Variants in RSRP1 observed in about 807,000 individuals in gnomAD.
The protein encoded by RSRP1 is arginine/serine-rich protein 1.
RSRP1 carries 37 observed loss-of-function variants against 33.0 expected under a neutral mutation model. That is an observed-to-expected ratio of 1.12 (90% CI 0.86 to 1.48). The LOEUF is 1.48. Among genes scored for constraint, RSRP1 ranks in the 40% most tolerant of loss-of-function variants. The pLI, the probability that RSRP1 is intolerant of heterozygous loss-of-function variation, is 0.00. For missense variants in RSRP1, 402 were observed against 385.3 expected, an observed-to-expected ratio of 1.04 and a Z score of -0.36; for synonymous variants, 167 against 158.7, an observed-to-expected ratio of 1.05 and a Z score of -0.40.
intron 1 of RSRP1, among the ~76,000 whole-genome samples, chr1:25,312,380 G>A (rs1355053915): frequency 1.9e-5 from 2 of 106,060 alleles, no homozygotes; most frequent in African/African-American, 6.2e-5. Context: ...TGTACCTTAA[G>A]TCTCACCCAC....
rs601161 is a variant in RSRP1 at position 25,297,040 on chromosome 1, C to T, written c.-67+40938G>A. ...ACCTTATTCTCATTTCACCAATTTT[C>T]TCAATAATATCTTTTCTAGAAAAAA... On this transcript the variant is annotated intron_variant, in intron 1 of 1. Coordinates refer to the RSRP1 transcript ENST00000561867. 2.5e-4 allele frequency among the ~76,000 whole-genome samples: 33 copies of T among 131,166 alleles called. 6 individuals carry two copies. The highest frequency in any genetic ancestry group is 4.0e-4 in the African/African-American group (15 of 37,880). The allele number at this position is 131,166 out of a possible 152,430, so 86.0% of individuals were successfully genotyped here.
rs1334597522 is a variant in RSRP1 at position 25,316,233 on chromosome 1, G to A, written c.-67+21745C>T. ...CGTGGAAGTATGTTCAAGGGGTAGGGATGGGCAGGGGAGATGGGTCTGAAA... is the reference window on the plus strand; with the variant it reads ...CGTGGAAGTATGTTCAAGGGGTAGGAATGGGCAGGGGAGATGGGTCTGAAA... On this transcript the variant is annotated intron_variant, in intron 1 of 1. Coordinates refer to the RSRP1 transcript ENST00000561867. Among the ~76,000 whole-genome samples the A allele has an allele frequency of 1.5e-5, 2 of 129,928 alleles. 1 individual carries two copies. The highest frequency in any genetic ancestry group is 3.6e-5 in the Non-Finnish European group (2 of 55,066). 85.2% of individuals were successfully genotyped at this position (129,928 alleles called of 152,430 possible).
At position 25,312,920 on chromosome 1, in the gene RSRP1, TAAAAAAAAAAAAAAAAAAA is replaced by T. The variant is rs58027687; in HGVS notation, c.-67+25039_-67+25057del. On this transcript the variant is annotated intron_variant, in intron 1 of 1. Transcript: ENST00000561867. ...GGATGATAGAGCAAAATCCCATCTC[TAAAAAAAAAAAAAAAAAAA>T]AAAAAAAAAAAAAAAACTTTAGTGC... Among the ~76,000 whole-genome samples the T allele has an allele frequency of 6.0e-3, 41 of 6,856 alleles. 9 individuals are homozygous for T. The highest frequency in any genetic ancestry group is 0.25 in the Middle Eastern group (2 of 8). 4.5% of individuals were successfully genotyped at this position (6,856 alleles called of 152,430 possible).
rs1639945138 is a variant in RSRP1, at chr1:25,256,219, A to T, written c.-66-9190T>A. Among the ~76,000 whole-genome samples the T allele has an allele frequency of 2.0e-5, 3 of 146,980 alleles. No homozygotes were observed. The Admixed American group carries it at 2.1e-4, about 10-fold the overall frequency. ...GTCCAGGCCGGAGTGCAGTGGCGCC[A>T]TCCTAGCTCACTGCAGCCTCAACTT... On this transcript the variant is annotated intron_variant, in intron 1 of 1. Transcript: ENST00000561867.
intron 1 of RSRP1, among the ~76,000 whole-genome samples, chr1:25,314,019 T>G (rs1179675246): frequency 7.5e-6 from 1 of 133,206 alleles, no homozygotes; most frequent in Admixed American, 7.3e-5. Context: ...GGAGCTATTA[T>G]GAATATTCTA....
chr1:25,248,931 C>CT (rs1472353627), upstream of RSRP1, among the ~76,000 whole-genome samples: 1 of 152,094 alleles, frequency 6.6e-6, no homozygotes, highest in Non-Finnish European at 1.5e-5. Context: ...GGAAGATCAC[C>CT]TAAGATCAGG....
chr1:25,243,507 C>T lies in RSRP1; in HGVS notation c.756+43G>A, dbSNP rs575707907. 17 of 1,603,382 alleles carry T rather than the reference C, an allele frequency of 1.1e-5. No homozygotes were observed. The East Asian group carries it at 2.9e-4, about 28-fold the overall frequency. On this transcript the variant is annotated intron_variant, in intron 4 of 4. Transcript: ENST00000243189. The stretch of plus-strand genomic sequence containing the variant: ...AAAACACAAAGATGCAAAAATACAT[C>T]CTAAATCCAATTTTTGAGTGTTCAA...
chr1:25,249,800 A>G (rs1639719831), upstream of RSRP1, among the ~76,000 whole-genome samples: 1 of 152,214 alleles, frequency 6.6e-6, no homozygotes, highest in Non-Finnish European at 1.5e-5. Context: ...ATATTCTCTG[A>G]GCATCTATCC....
chr1:25,255,428 T>A (rs1329403636), intron 1 of RSRP1, among the ~76,000 whole-genome samples: 1 of 152,216 alleles, frequency 6.6e-6, no homozygotes, highest in Non-Finnish European at 1.5e-5. Flanking sequence ...ATCCTCATGC[T>A]GACAACAAAT....
intron 1 of RSRP1, chr1:25,335,836 C>G (rs1035147795): frequency 1.1e-5 from 1 of 88,486 alleles, no homozygotes; most frequent in Non-Finnish European, 2.7e-5. Flanking sequence ...CACCTGTTGC[C>G]TAGACTAGAA....
At position 25,285,604 on chromosome 1, in the gene RSRP1, T is replaced by C. The variant is rs951762741; in HGVS notation, c.-66-38575A>G. Among the ~76,000 whole-genome samples, 2 of 135,232 alleles carry C rather than the reference T, an allele frequency of 1.5e-5. 1 individual carries two copies. Among genetic ancestry groups the C allele is most frequent in the African/African-American group, 5.1e-5 (2 of 39,138 alleles). The allele number at this position is 135,232 out of a possible 152,430, so 88.7% of individuals were successfully genotyped here. On this transcript the variant is annotated intron_variant, in intron 1 of 1. Coordinates refer to the RSRP1 transcript ENST00000561867. The stretch of plus-strand genomic sequence containing the variant: ...ATGGTGCCAGAAGTCAGAATAGTTG[T>C]TACCTGGGCAGGAGGTGGATATTGA...
rs534096340 is a variant in RSRP1 at position 25,299,791 on chromosome 1, T to C, written c.-67+38187A>G. Reference sequence around the variant, plus strand: ...ATTTGACGCAGTGTCACTCTGTCGCTGAAGCTGGAGTGCAGTGGCGACATC... The same window carrying C: ...ATTTGACGCAGTGTCACTCTGTCGCCGAAGCTGGAGTGCAGTGGCGACATC... On this transcript the variant is annotated intron_variant, in intron 1 of 1. Coordinates refer to the RSRP1 transcript ENST00000561867. 2.2e-4 allele frequency among the ~76,000 whole-genome samples: 29 copies of C among 132,838 alleles called. 3 individuals carry two copies. Among genetic ancestry groups the C allele is most frequent in the African/African-American group, 7.0e-4 (27 of 38,620 alleles). The allele number at this position is 132,838 out of a possible 152,430, so 87.1% of individuals were successfully genotyped here.
chr1:25,249,468 A>T (rs1639708964), upstream of RSRP1, among the ~76,000 whole-genome samples: 1 of 152,150 alleles, frequency 6.6e-6, no homozygotes, highest in Non-Finnish European at 1.5e-5. Context: ...TCTCCCGAGC[A>T]TCTGGGTTTA....
At chr1:25,271,237 CTGGGTCT>C (rs1167201989) in intron 1 of RSRP1, among the ~76,000 whole-genome samples, 1 of 131,500 alleles carries the variant, frequency 7.6e-6, no homozygotes, top group African/African-American at 2.6e-5. Flanking sequence ...TATGACCTCT[CTGGGTCT>C]TGGTTTCTTG....
At chr1:25,272,862 G>C (rs1179652895) in intron 1 of RSRP1, among the ~76,000 whole-genome samples, 1 of 131,558 alleles carries the variant, frequency 7.6e-6, no homozygotes, top group Non-Finnish European at 1.8e-5. Context: ...AACAATGTAA[G>C]CTTTCCTTTA....
chr1:25,284,278 A>G (rs529128563), intron 1 of RSRP1, among the ~76,000 whole-genome samples: 1 of 135,974 alleles, frequency 7.4e-6, no homozygotes, highest in East Asian at 1.9e-4. Context: ...ATTAGGTTTA[A>G]TAATAGAATA....
intron 1 of RSRP1, chr1:25,329,790 A>G (rs1644959469): frequency 7.7e-6 from 1 of 129,698 alleles, no homozygotes; most frequent in African/African-American, 2.6e-5. Flanking sequence ...AGTAGCTGGA[A>G]TTACAAGTGC....
At chr1:25,261,406 C>CT (rs561224552) in intron 1 of RSRP1, among the ~76,000 whole-genome samples, 423 of 140,836 alleles carry the variant, frequency 3.0e-3, no homozygotes, top group African/African-American at 4.9e-3. Flanking sequence ...TGATTTCTTT[C>CT]TTTTTTTTTT....
intron 1 of RSRP1, among the ~76,000 whole-genome samples, chr1:25,315,421 G>A (rs1420842276): frequency 7.8e-6 from 1 of 128,930 alleles, no homozygotes; most frequent in Admixed American, 7.5e-5. Context: ...GCAGGTAGTT[G>A]TTGACATCTG....
Sources: gnomAD v4.1 joint callset for allele counts (sites outside exome capture counted in the v4.1 genomes callset) on GRCh38, gnomAD v4.1.1 for gene constraint, MANE v1.5 for transcripts, NCBI Gene and HGNC (gene_info 2026-07-23, HGNC 2026-07-21) for gene names.